KCNQ5: variants seen among roughly 807,000 people sequenced by gnomAD.
KCNQ5 encodes the protein potassium voltage-gated channel subfamily Q member 5.
KCNQ5 carries 30 observed loss-of-function variants against 98.2 expected under a neutral mutation model. That is an observed-to-expected ratio of 0.31 (90% CI 0.23 to 0.41). The LOEUF (loss-of-function observed/expected upper bound fraction) is 0.41. Ranked by LOEUF, KCNQ5 falls within the 10% of genes least tolerant of loss-of-function variation. The pLI, the probability that KCNQ5 is intolerant of heterozygous loss-of-function variation, is 1.00. For missense variants in KCNQ5, 835 were observed against 1,182.5 expected (o/e 0.71, Z 4.31); for synonymous variants, 458 against 449.4 (o/e 1.02, Z -0.24).
At chr6:72,789,349 G>C (rs1326236308) in intron 1 of KCNQ5, among the ~76,000 whole-genome samples, 2 of 152,154 alleles carry the variant, frequency 1.3e-5, no homozygotes, top group African/African-American at 2.4e-5. Context: ...TAACATATGA[G>C]ATGAAATGAA....
intron 1 of KCNQ5, among the ~76,000 whole-genome samples, chr6:72,941,228 C>T (rs1177607886): frequency 5.9e-5 from 9 of 152,120 alleles, no homozygotes; most frequent in Admixed American, 5.2e-4. Flanking sequence ...CTTCTATCTG[C>T]ATGCATAGGA....
chr6:72,925,850 G>T (rs1424668800), intron 1 of KCNQ5, among the ~76,000 whole-genome samples: 1 of 152,134 alleles, frequency 6.6e-6, no homozygotes, highest in African/African-American at 2.4e-5. Context: ...TGCTGCTGAA[G>T]GTGACAGTCA....
At chr6:73,088,244 C>T (rs770082423) in intron 5 of KCNQ5, among the ~76,000 whole-genome samples, 3 of 152,054 alleles carry the variant, frequency 2.0e-5, no homozygotes, top group Non-Finnish European at 4.4e-5. Flanking sequence ...TGGTCTCAAA[C>T]TCCTGGCCTC....
intron 1 of KCNQ5, among the ~76,000 whole-genome samples, chr6:72,714,353 G>C (rs974569933): frequency 4.6e-5 from 7 of 151,962 alleles, no homozygotes; most frequent in African/African-American, 1.7e-4. Flanking sequence ...TATTTGTAAA[G>C]TTCTTGTCTC....
intron 10 of KCNQ5, among the ~76,000 whole-genome samples, chr6:73,160,395 T>G (rs1777571470): frequency 1.3e-5 from 2 of 152,168 alleles, no homozygotes; most frequent in South Asian, 2.1e-4. Flanking sequence ...CAGTAGTGAT[T>G]TCTTTAAAAG....
intron 1 of KCNQ5, among the ~76,000 whole-genome samples, chr6:72,650,567 G>A (rs1565057278): frequency 1.3e-5 from 2 of 152,082 alleles, no homozygotes; most frequent in Non-Finnish European, 2.9e-5. Flanking sequence ...GCCCTCTGGG[G>A]AAAAATCCAT....
At chr6:72,984,096 G>T (rs574394795) in intron 1 of KCNQ5, among the ~76,000 whole-genome samples, 2 of 152,296 alleles carry the variant, frequency 1.3e-5, no homozygotes, top group South Asian at 4.1e-4. Context: ...TCCCAGAGGG[G>T]CATCGGGCTG....
intron 1 of KCNQ5, among the ~76,000 whole-genome samples, chr6:72,699,484 ATTAT>A (rs1257841940): frequency 6.6e-6 from 1 of 152,112 alleles, no homozygotes; most frequent in African/African-American, 2.4e-5. Context: ...TCCAGAATGA[ATTAT>A]TTAAGTCTAA....
At chr6:72,663,487 T>C (rs1212788067) in intron 1 of KCNQ5, among the ~76,000 whole-genome samples, 1 of 152,184 alleles carries the variant, frequency 6.6e-6, no homozygotes, top group Non-Finnish European at 1.5e-5. Context: ...TAATTGCTGC[T>C]TAAAATTAGT....
intron 1 of KCNQ5, among the ~76,000 whole-genome samples, chr6:72,635,081 C>A (rs1325518699): frequency 1.3e-5 from 2 of 149,934 alleles, no homozygotes; most frequent in Non-Finnish European, 3.0e-5. Flanking sequence ...GGCTAGAGTG[C>A]AGTTGTACAA....
At chr6:72,644,762 CCTT>C (rs1765501853) in intron 1 of KCNQ5, among the ~76,000 whole-genome samples, 2 of 152,198 alleles carry the variant, frequency 1.3e-5, no homozygotes. Flanking sequence ...ATCCCGTAGT[CCTT>C]CTTATTCTCT....
chr6:73,016,214 A>G (rs1357657741), intron 2 of KCNQ5, among the ~76,000 whole-genome samples: 1 of 152,146 alleles, frequency 6.6e-6, no homozygotes, highest in East Asian at 1.9e-4. Context: ...AGAGACTTGA[A>G]TGGAATGAGG....
intron 9 of KCNQ5, among the ~76,000 whole-genome samples, chr6:73,131,978 C>CT: frequency 6.6e-6 from 1 of 152,282 alleles, no homozygotes; most frequent in East Asian, 1.9e-4. Context: ...ACTCCCTGAC[C>CT]ACCAGTTCAT....
intron 1 of KCNQ5, among the ~76,000 whole-genome samples, chr6:72,741,968 G>A (rs1240502970): frequency 6.6e-6 from 1 of 152,156 alleles, no homozygotes; most frequent in Non-Finnish European, 1.5e-5. Context: ...ATACCAGATG[G>A]TTAAGTAACT....
At chr6:73,062,726 T>C (rs1562155300) in intron 3 of KCNQ5, among the ~76,000 whole-genome samples, 1 of 152,254 alleles carries the variant, frequency 6.6e-6, no homozygotes, top group East Asian at 1.9e-4. Context: ...AACATGATTA[T>C]ATTTTTTAAT....
chr6:72,938,703 A>G (rs1246500483), intron 1 of KCNQ5, among the ~76,000 whole-genome samples: 5 of 152,170 alleles, frequency 3.3e-5, no homozygotes, highest in Admixed American at 2.6e-4. Flanking sequence ...ATTTAAAACC[A>G]TTGAATTTTA....
intron 2 of KCNQ5, among the ~76,000 whole-genome samples, chr6:73,030,290 T>C (rs1207944143): frequency 1.3e-5 from 2 of 152,212 alleles, no homozygotes; most frequent in Non-Finnish European, 2.9e-5. Flanking sequence ...GGTGGTGATA[T>C]GTTCTGTTAA....
At position 73,063,667 on chromosome 6, in the gene KCNQ5, TGATAGATAGATAGATAGATGATAGATA is replaced by T. The variant is rs200860078; in HGVS notation, c.617-13635_617-13609del. ...TACAGATAGATGATAGATAGATAGA[TGATAGATAGATAGATAGATGATAGATA>T]GATAGATAGATAGATAGATAGATAG... On this transcript the variant is annotated intron_variant, in intron 3 of 13. Coordinates refer to ENST00000370398, the MANE Select transcript of KCNQ5 (RefSeq NM_019842.4). Among the ~76,000 whole-genome samples the T allele has an allele frequency of 2.9e-3, 185 of 64,388 alleles. 2 individuals carry two copies. Among genetic ancestry groups the T allele is most frequent in the South Asian group, 6.9e-3 (10 of 1,442 alleles). The allele number at this position is 64,388 out of a possible 152,430, so 42.2% of individuals were successfully genotyped here.
chr6:72,888,526 C>T (rs1265791617), intron 1 of KCNQ5, among the ~76,000 whole-genome samples: 1 of 152,102 alleles, frequency 6.6e-6, no homozygotes, highest in African/African-American at 2.4e-5. Flanking sequence ...ACTTTGAGAC[C>T]AGTAATTCTG....
Sources: gnomAD v4.1 joint callset for allele counts (sites outside exome capture counted in the v4.1 genomes callset) on GRCh38, gnomAD v4.1.1 for gene constraint, MANE v1.5 for transcripts, NCBI Gene and HGNC (gene_info 2026-07-23, HGNC 2026-07-21) for gene names.